The following ATOSA variants were observed in gnomAD, a reference collection of about 807,000 sequenced individuals.
ATOSA encodes the protein atos homolog A, also known as atos homolog protein A.
the ATOSA span, among the ~76,000 whole-genome samples, chr15:52,679,685 G>C: frequency 4.6e-5 from 7 of 152,250 alleles, no homozygotes; most frequent in Non-Finnish European, 8.8e-5. Context: ...TGCGCTATTA[G>C]AGCGCAGGGT....
At chr15:52,613,934 CTAAT>C in the ATOSA span, 1 of 1,104,210 alleles carries the variant, frequency 9.1e-7, no homozygotes, top group Non-Finnish European at 1.4e-6. Flanking sequence ...CCTAAAATAA[CTAAT>C]GTCACATTAC....
At chr15:52,662,502 G>A in the ATOSA span, among the ~76,000 whole-genome samples, 1 of 152,174 alleles carries the variant, frequency 6.6e-6, no homozygotes, top group Non-Finnish European at 1.5e-5. Flanking sequence ...CGGGCACGGT[G>A]GCTCAAGCCT....
At chr15:52,686,513 C>G in the ATOSA span, among the ~76,000 whole-genome samples, 1 of 152,170 alleles carries the variant, frequency 6.6e-6, no homozygotes, top group Non-Finnish European at 1.5e-5. Flanking sequence ...AATTCCCTAA[C>G]CCCTTTTCAC....
the ATOSA span, among the ~76,000 whole-genome samples, chr15:52,619,827 A>T: frequency 9.1e-6 from 1 of 109,910 alleles, no homozygotes; most frequent in South Asian, 3.0e-4. Context: ...AGACTGTCTT[A>T]AAAAAAAAAG....
the ATOSA span, among the ~76,000 whole-genome samples, chr15:52,624,010 T>C: frequency 6.6e-6 from 1 of 152,232 alleles, no homozygotes; most frequent in South Asian, 2.1e-4. Flanking sequence ...CTGAAATTAC[T>C]AAATTTTAAT....
chr15:52,636,394 A>G, the ATOSA span, among the ~76,000 whole-genome samples: 1 of 152,130 alleles, frequency 6.6e-6, no homozygotes, highest in Non-Finnish European at 1.5e-5. Context: ...TTGAAGTCCT[A>G]ACCCTCAAAG....
chr15:52,608,190 C>G, the ATOSA span, among the ~76,000 whole-genome samples: 1 of 152,096 alleles, frequency 6.6e-6, no homozygotes, highest in African/African-American at 2.4e-5. Context: ...TGTGCCTGGC[C>G]TGGGTGCTTC....
At chr15:52,610,467 G>C in the ATOSA span, 1 of 1,395,880 alleles carries the variant, frequency 7.2e-7, no homozygotes, top group East Asian at 2.4e-5. Flanking sequence ...ATGTAAAGCA[G>C]TCATACACTT....
the ATOSA span, among the ~76,000 whole-genome samples, chr15:52,654,457 C>G: frequency 3.3e-5 from 5 of 152,140 alleles, no homozygotes; most frequent in Admixed American, 2.0e-4. Context: ...GGCGCATTAT[C>G]TACTTTGTAA....
chr15:52,585,836 C>T, the ATOSA span, among the ~76,000 whole-genome samples: 2 of 152,272 alleles, frequency 1.3e-5, no homozygotes, highest in African/African-American at 2.4e-5. Flanking sequence ...GAAGCTCATC[C>T]GTGGCACTGG....
chr15:52,681,678 T>G, the ATOSA span, among the ~76,000 whole-genome samples: 3 of 152,206 alleles, frequency 2.0e-5, no homozygotes, highest in Non-Finnish European at 4.4e-5. Context: ...TACCCTCTTT[T>G]CATCTGATTT....
At chr15:52,669,690 T>A in the ATOSA span, among the ~76,000 whole-genome samples, 1 of 152,216 alleles carries the variant, frequency 6.6e-6, no homozygotes, top group South Asian at 2.1e-4. Flanking sequence ...TTGGTCATGT[T>A]CCCAAAGGGG....
At chr15:52,692,966 G>A in the ATOSA span, among the ~76,000 whole-genome samples, 1 of 152,068 alleles carries the variant, frequency 6.6e-6, no homozygotes, top group African/African-American at 2.4e-5. Context: ...CTCTCTTACA[G>A]AGCATTTACC....
the ATOSA span, among the ~76,000 whole-genome samples, chr15:52,697,957 A>ATTTTTTTTT: frequency 2.2e-4 from 10 of 44,780 alleles, 1 homozygote; most frequent in East Asian, 1.6e-3. Flanking sequence ...GGGATGTAGA[A>ATTTTTTTTT]TTTTTTTTTT....
the ATOSA span, among the ~76,000 whole-genome samples, chr15:52,624,950 T>C: frequency 6.6e-6 from 1 of 152,148 alleles, no homozygotes; most frequent in African/African-American, 2.4e-5. Context: ...GCTAATTTTT[T>C]GTATTTTTAG....
chr15:52,609,574 A>G, the ATOSA span: 1 of 1,613,494 alleles, frequency 6.2e-7, no homozygotes, highest in Non-Finnish European at 8.5e-7. Context: ...TTCTGGTTTT[A>G]GTCGAATTTT....
At chr15:52,632,103 C>A in the ATOSA span, among the ~76,000 whole-genome samples, 8 of 152,150 alleles carry the variant, frequency 5.3e-5, no homozygotes, top group African/African-American at 1.9e-4. Context: ...AGGAAGGTAG[C>A]TGTATACCCA....
chr15:52,702,259 A>G, the ATOSA span, among the ~76,000 whole-genome samples: 29 of 152,302 alleles, frequency 1.9e-4, no homozygotes, highest in East Asian at 5.4e-3. Context: ...TCCCCTTATC[A>G]GGTATATATC....
the ATOSA span, chr15:52,611,865 T>C: frequency 1.6e-6 from 2 of 1,225,120 alleles, no homozygotes; most frequent in East Asian, 4.8e-5. Context: ...AAAGTAGACA[T>C]CTGTGTGAGA....
Sources: allele counts gnomAD v4.1 joint callset (sites outside exome capture counted in the v4.1 genomes callset), GRCh38; gene constraint gnomAD v4.1.1; transcripts MANE v1.5; gene names NCBI Gene and HGNC (gene_info 2026-07-23, HGNC 2026-07-21).